Variants in STK32A observed in about 807,000 individuals in gnomAD.
STK32A encodes serine/threonine-protein kinase 32A.
Under a neutral mutation model 53.2 loss-of-function variants are expected in STK32A, and 41 were observed. The ratio of observed to expected loss-of-function variants is 0.77; its 90% CI spans 0.60 to 1.00. STK32A has a LOEUF of 1.00. Among genes scored for constraint, STK32A ranks in the 50% least tolerant of loss-of-function variants. The probability of loss-of-function intolerance (pLI) is 0.00; values close to 1 mark genes in which losing one functional copy is unlikely to be tolerated. For synonymous variants in STK32A, 166 were observed against 162.8 expected, an observed-to-expected ratio of 1.02 and a Z score of -0.15; for missense variants, 458 against 485.8, an observed-to-expected ratio of 0.94 and a Z score of 0.54.
chr5:147,390,069 T>C (rs1328002370), downstream of STK32A, among the ~76,000 whole-genome samples: 2 of 152,158 alleles, frequency 1.3e-5, no homozygotes, highest in African/African-American at 4.8e-5. Context: ...TAAACTAGTT[T>C]AACTTTTGCA....
chr5:147,351,814 T>G (rs1189950564), intron 7 of STK32A, among the ~76,000 whole-genome samples: 2 of 152,072 alleles, frequency 1.3e-5, no homozygotes, highest in Non-Finnish European at 2.9e-5. Flanking sequence ...GCCATTGCAC[T>G]CCAGCCTGGC....
chr5:147,316,024 A>G (rs1162194515), intron 4 of STK32A, among the ~76,000 whole-genome samples: 1 of 152,230 alleles, frequency 6.6e-6, no homozygotes, highest in Admixed American at 6.5e-5. Context: ...GAAAATTACT[A>G]TATACCATCA....
the STK32A span, chr5:147,399,311 C>T: frequency 6.6e-7 from 1 of 1,524,370 alleles, no homozygotes; most frequent in Non-Finnish European, 8.8e-7. Context: ...CAATTCAGGG[C>T]TTCTGAACTC....
chr5:147,236,037 A>G (rs1237544986), intron 1 of STK32A, among the ~76,000 whole-genome samples: 1 of 152,222 alleles, frequency 6.6e-6, no homozygotes, highest in Non-Finnish European at 1.5e-5. Context: ...GTCTATGCAC[A>G]TTCTGTGACA....
intron 4 of STK32A, among the ~76,000 whole-genome samples, chr5:147,320,058 C>A (rs149341307): frequency 6.6e-6 from 1 of 152,060 alleles, no homozygotes; most frequent in African/African-American, 2.4e-5. Flanking sequence ...TAACGTTTAA[C>A]CTTATGTTAA....
At chr5:147,315,967 G>A (rs1243807858) in intron 4 of STK32A, among the ~76,000 whole-genome samples, 1 of 152,142 alleles carries the variant, frequency 6.6e-6, no homozygotes, top group African/African-American at 2.4e-5. Flanking sequence ...TATCCAGTTT[G>A]TGGCATAACC....
At chr5:147,368,572 G>C (rs1756872207) in intron 8 of STK32A, among the ~76,000 whole-genome samples, 1 of 152,092 alleles carries the variant, frequency 6.6e-6, no homozygotes, top group Non-Finnish European at 1.5e-5. Flanking sequence ...CAATGCCTAA[G>C]AAAGGTGCTG....
chr5:147,395,758 T>A, the STK32A span: 1 of 1,610,740 alleles, frequency 6.2e-7, no homozygotes, highest in East Asian at 2.2e-5. Flanking sequence ...ATTCATTCAT[T>A]CAGCATTTTA....
At chr5:147,269,151 G>A (rs533566025) in intron 2 of STK32A, among the ~76,000 whole-genome samples, 1 of 152,266 alleles carries the variant, frequency 6.6e-6, no homozygotes, top group African/African-American at 2.4e-5. Flanking sequence ...CTGTTTCAGA[G>A]TTGGCGCAAA....
chr5:147,265,097 GTATA>G (rs140380411), intron 2 of STK32A, among the ~76,000 whole-genome samples: 2 of 118,804 alleles, frequency 1.7e-5, no homozygotes, highest in Non-Finnish European at 3.7e-5. Flanking sequence ...ATATATGTGT[GTATA>G]TATATATATC....
chr5:147,298,820 C>T (rs1432037606), intron 4 of STK32A, among the ~76,000 whole-genome samples: 1 of 152,144 alleles, frequency 6.6e-6, no homozygotes, highest in African/African-American at 2.4e-5. Flanking sequence ...TAGAGAATAA[C>T]ACATGAAACT....
intron 2 of STK32A, among the ~76,000 whole-genome samples, chr5:147,269,158 C>A (rs2151950453): frequency 6.6e-6 from 1 of 152,138 alleles, no homozygotes; most frequent in South Asian, 2.1e-4. Flanking sequence ...AGAGTTGGCG[C>A]AAAATTAGGA....
intron 2 of STK32A, among the ~76,000 whole-genome samples, chr5:147,261,194 A>G (rs948711314): frequency 7.2e-5 from 11 of 152,162 alleles, no homozygotes; most frequent in Non-Finnish European, 1.0e-4. Flanking sequence ...AGAGCCCCCA[A>G]TTGTTATATA....
intron 2 of STK32A, among the ~76,000 whole-genome samples, chr5:147,257,853 A>T (rs1170562878): frequency 1.3e-5 from 2 of 152,150 alleles, no homozygotes; most frequent in South Asian, 2.1e-4. Context: ...CAAGTATATA[A>T]TTTCTAAGAA....
the STK32A span, chr5:147,394,247 C>T: frequency 1.1e-5 from 10 of 927,464 alleles, no homozygotes; most frequent in African/African-American, 5.0e-5. Flanking sequence ...GCTGGCCTCA[C>T]CTCCCAAGAA....
intron 2 of STK32A, among the ~76,000 whole-genome samples, chr5:147,252,568 C>T (rs1368503706): frequency 7.9e-5 from 12 of 151,886 alleles, no homozygotes; most frequent in South Asian, 6.2e-4. Flanking sequence ...TTAGGAAATG[C>T]GTATTTAAAT....
At chr5:147,372,905 T>TC (rs1163188901) in intron 9 of STK32A, among the ~76,000 whole-genome samples, 3 of 152,120 alleles carry the variant, frequency 2.0e-5, no homozygotes, top group African/African-American at 7.2e-5. Context: ...AGAGAACAAA[T>TC]TTGCCCTTAG....
chr5:147,292,787 G>A (rs1438802623), intron 4 of STK32A, among the ~76,000 whole-genome samples: 1 of 152,152 alleles, frequency 6.6e-6, no homozygotes, highest in Non-Finnish European at 1.5e-5. Flanking sequence ...CTTGAACCTG[G>A]GAGGTGGAGG....
At chr5:147,268,771 T>C (rs1240304486) in intron 2 of STK32A, among the ~76,000 whole-genome samples, 1 of 152,136 alleles carries the variant, frequency 6.6e-6, no homozygotes, top group Non-Finnish European at 1.5e-5. Context: ...GACCAAGGCA[T>C]CTGGCTAGGG....
Sources: allele counts gnomAD v4.1 joint callset (sites outside exome capture counted in the v4.1 genomes callset), GRCh38; gene constraint gnomAD v4.1.1; transcripts MANE v1.5; gene names NCBI Gene and HGNC (gene_info 2026-07-23, HGNC 2026-07-21).